The following OTOP3 variants were observed in gnomAD, a reference collection of about 807,000 sequenced individuals.
The protein encoded by OTOP3 is otopetrin 3, also known as proton channel OTOP3.
Under a neutral mutation model 50.8 loss-of-function variants are expected in OTOP3, and 41 were observed. The observed-to-expected ratio is 0.81, with a 90% CI of 0.63 to 1.05. OTOP3 has a LOEUF of 1.05. Among genes scored for constraint, OTOP3 ranks in the 50% least tolerant of loss-of-function variants. The probability of loss-of-function intolerance (pLI) is 0.00; values close to 1 mark genes in which losing one functional copy is unlikely to be tolerated. For missense variants in OTOP3, 788 were observed against 760.8 expected, an observed-to-expected ratio of 1.04 and a Z score of -0.42; for synonymous variants, 320 against 324.4, an observed-to-expected ratio of 0.99 and a Z score of 0.14.
chr17:74,947,417 A>G lies in OTOP3; in HGVS notation c.1508A>G (p.Asn503Ser), dbSNP rs2039240479. 1.2e-6 allele frequency: 2 copies of G among 1,612,242 alleles called. No individual in the cohort carries two copies. The highest frequency in any genetic ancestry group is 1.7e-6 in the Non-Finnish European group (2 of 1,179,518). The stretch of plus-strand genomic sequence containing the variant: ...TACATCCACTCCTACAGCCACCTCA[A>G]CTGGAAGCGGAGGGCACTCAAGGAG... ...LAYIHSYSHL[N>S]WKRRALKEIS... Residue 503 changes from asparagine to serine, a missense_variant, in exon 6 of 7, where the codon AAC (asparagine) becomes AGC (serine). Transcript: ENST00000328801.
Position 74,949,413 on chromosome 17 carries a change from C to A in OTOP3, c.1734C>A (p.Ala578=). ...GCCTGGTGGAGGTCTACCTGGGGGC[C>A]TGAGGCTGCCCACCCCCGGCAGAAC... ...VGGLVEVYLG[A] The change falls in exon 7 of 7, where the codon GCC becomes GCA. Residue 578 remains alanine, a synonymous_variant. Coordinates refer to ENST00000328801, the MANE Select transcript of OTOP3 (RefSeq NM_001272005.2). 6.2e-7 allele frequency: 1 copy of A among 1,611,840 alleles called. No homozygotes were observed. Among genetic ancestry groups the A allele is most frequent in the Non-Finnish European group, 8.5e-7 (1 of 1,179,336 alleles).
chr17:74,943,530 A>G (rs2039197210), intron 4 of OTOP3, 76 bp from the exon 5 acceptor site: 10 of 1,475,872 alleles, frequency 6.8e-6, no homozygotes, highest in Non-Finnish European at 9.5e-6. Context: ...GGTTGCCCCA[A>G]CAACAGTGGA....
At chr17:74,935,984 C>A (rs2039110895) in intron 1 of OTOP3, 44 bp downstream of exon 1, 1 of 1,537,188 alleles carries the variant, frequency 6.5e-7, no homozygotes, top group East Asian at 2.4e-5. Context: ...TTGCGCACCC[C>A]AGACACTGGC....
intron 1 of OTOP3, among the ~76,000 whole-genome samples, chr17:74,938,093 G>A (rs546758737): frequency 6.6e-6 from 1 of 152,290 alleles, no homozygotes; most frequent in African/African-American, 2.4e-5. Context: ...ACTTAGGCAA[G>A]GATGACAGAG....
intron 1 of OTOP3, 33 bp from the exon 2 acceptor site, chr17:74,941,360 G>T (rs138210982): frequency 1.4e-6 from 2 of 1,453,452 alleles, no homozygotes; most frequent in Non-Finnish European, 1.8e-6. Flanking sequence ...GGACAGCCTG[G>T]CAGTTAACCC....
At chr17:74,935,988 C>T in intron 1 of OTOP3, 48 bp downstream of exon 1, 2 of 1,536,916 alleles carry the variant, frequency 1.3e-6, no homozygotes, top group Non-Finnish European at 1.7e-6. Flanking sequence ...GCACCCCAGA[C>T]ACTGGCACAT....
intron 1 of OTOP3, among the ~76,000 whole-genome samples, chr17:74,940,457 A>G (rs2039161314): frequency 6.6e-6 from 1 of 152,190 alleles, no homozygotes; most frequent in Non-Finnish European, 1.5e-5. Flanking sequence ...CTAGACCAGC[A>G]GTCCCCAGTC....
In OTOP3 at chr17:74,946,753, T is replaced by C. The variant is rs775695863; in HGVS notation, c.844T>C (p.Tyr282His). Residue 282 changes from tyrosine to histidine, a missense_variant, in exon 6 of 7, where the codon TAC (tyrosine) becomes CAC (histidine). Tyr to His is a moderately conservative substitution (Grantham distance 83). Coordinates refer to ENST00000328801, the MANE Select transcript of OTOP3 (RefSeq NM_001272005.2). ...GATGCTCTACCCCTTCAGCACTGAG[T>C]ACTGCCTCATCTGCTGTGCTGTGCT... Reference protein sequence around the residue: ...FLMLYPFSTEYCLICCAVLFV... With the variant: ...FLMLYPFSTEHCLICCAVLFV... 3 of 1,613,214 alleles carry C rather than the reference T, an allele frequency of 1.9e-6. No homozygotes were observed. The South Asian group carries it at 3.3e-5, about 18-fold the overall frequency.
At chr17:74,949,187 A>G (rs951476754) in intron 6 of OTOP3, 59 bp from the exon 7 acceptor site, 1 of 1,577,244 alleles carries the variant, frequency 6.3e-7, no homozygotes, top group Non-Finnish European at 8.7e-7. Flanking sequence ...CCTCCCCTGA[A>G]CTGAGTGCCT....
chr17:74,947,424 G>T lies in OTOP3; in HGVS notation c.1515G>T (p.Lys505Asn), dbSNP rs1300059058. 1 of 1,612,082 alleles carries T rather than the reference G, an allele frequency of 6.2e-7. No individual in the cohort carries two copies. Among genetic ancestry groups the T allele is most frequent in the African/African-American group, 1.3e-5 (1 of 74,928 alleles). ...YIHSYSHLNWKRRALKEISLF... is the reference protein window; with the variant it reads ...YIHSYSHLNWNRRALKEISLF... ...ACTCCTACAGCCACCTCAACTGGAA[G>T]CGGAGGGCACTCAAGGAGATCTCAC... is the stretch of plus-strand genomic sequence containing the variant. The change falls in exon 6 of 7, where the codon AAG (lysine) becomes AAT (asparagine). Residue 505 changes from lysine to asparagine, a missense_variant. Transcript: ENST00000328801.
At position 74,943,765 on chromosome 17, in the gene OTOP3, C is replaced by T. The variant is rs751650175; in HGVS notation, c.751+41C>T. ...CAGGTCTTCCTTGCCCTGAAACACA[C>T]ACACACACACACACACACACACACA... On this transcript the variant is annotated intron_variant, in intron 5 of 6. Coordinates refer to ENST00000328801, the MANE Select transcript of OTOP3 (RefSeq NM_001272005.2). 6.8e-6 allele frequency: 7 copies of T among 1,029,056 alleles called. No homozygotes were observed. The East Asian group carries it at 1.7e-4, about 25-fold the overall frequency. 63.7% of individuals were successfully genotyped at this position (1,029,056 alleles called of 1,614,324 possible). A position where few individuals can be genotyped will look rare whatever the true frequency, so the allele number is the denominator to read the frequency against.
chr17:74,943,509 T>G, intron 4 of OTOP3, 97 bp from the exon 5 acceptor site: 3 of 1,369,348 alleles, frequency 2.2e-6, no homozygotes, highest in Non-Finnish European at 3.1e-6. Flanking sequence ...AGTGAGTGGT[T>G]GGGAGTGAGT....
intron 1 of OTOP3, among the ~76,000 whole-genome samples, chr17:74,937,087 C>T (rs2039125983): frequency 6.6e-6 from 1 of 151,712 alleles, no homozygotes; most frequent in South Asian, 2.1e-4. Flanking sequence ...ATCAGCCTCC[C>T]GAGTAGCTGG....
At position 74,949,698 on chromosome 17, in the gene OTOP3, C is replaced by T; in HGVS notation, c.*282C>T. 2 of 405,534 alleles carry T rather than the reference C, an allele frequency of 4.9e-6. No homozygotes were observed. Among genetic ancestry groups the T allele is most frequent in the Non-Finnish European group, 8.8e-6 (2 of 226,700 alleles). The allele number at this position is 405,534 out of a possible 1,614,324, so 25.1% of individuals were successfully genotyped here. A position where few individuals can be genotyped will look rare whatever the true frequency, so the allele number is the denominator to read the frequency against. ...CAAGCCAAGGGTGCACCCCAGGAGG[C>T]TGGCAGGGGCCCCCTCACGGCTACT... On this transcript the variant is annotated 3_prime_UTR_variant, in exon 7 of 7. Transcript: ENST00000328801.
chr17:74,940,183 T>G (rs1397515507), intron 1 of OTOP3, among the ~76,000 whole-genome samples: 1 of 150,048 alleles, frequency 6.7e-6, no homozygotes, highest in Non-Finnish European at 1.5e-5. Context: ...TTTTTTTTTT[T>G]TTTTGAAGAG....
At chr17:74,946,448 A>T (rs933490749) in intron 5 of OTOP3, among the ~76,000 whole-genome samples, 1 of 152,244 alleles carries the variant, frequency 6.6e-6, no homozygotes, top group African/African-American at 2.4e-5. Flanking sequence ...TAAGTTTGGC[A>T]TCTGAAGTCT....
At position 74,943,645 on chromosome 17, in the gene OTOP3, G is replaced by A. The variant is rs1316347001; in HGVS notation, c.672G>A (p.Leu224=). Reference sequence around the variant, plus strand: ...TGACCCTGGCCACAAACCTGCTGCTGTGGGTTCTGGCCGTTACCAATGACT... The same window carrying A: ...TGACCCTGGCCACAAACCTGCTGCTATGGGTTCTGGCCGTTACCAATGACT... ...LMLTLATNLL[L]WVLAVTNDSM... Residue 224 remains leucine (L), a synonymous_variant, in exon 5 of 7, where the codon CTG becomes CTA. Coordinates refer to ENST00000328801, the MANE Select transcript of OTOP3 (RefSeq NM_001272005.2). The A allele has an allele frequency of 1.2e-6, 2 of 1,613,688 alleles. No individual in the cohort carries two copies. The highest frequency in any genetic ancestry group is 1.1e-5 in the South Asian group (1 of 91,068).
At chr17:74,938,031 G>C (rs375598842) in intron 1 of OTOP3, among the ~76,000 whole-genome samples, 1 of 152,178 alleles carries the variant, frequency 6.6e-6, no homozygotes. Context: ...GGTTGGTGTG[G>C]GAGGCAGGTG....
chr17:74,947,319 G>T lies in OTOP3; in HGVS notation c.1410G>T (p.Lys470Asn), dbSNP rs1309693990. The T allele has an allele frequency of 6.2e-7, 1 of 1,613,214 alleles. No individual in the cohort carries two copies. Among genetic ancestry groups the T allele is most frequent in the Non-Finnish European group, 8.5e-7 (1 of 1,179,900 alleles). Reference protein sequence around the residue: ...WETVPEGLAGKQEAEPPRRGS... With the variant: ...WETVPEGLAGNQEAEPPRRGS... ...CAGTTCCCGAGGGCCTGGCAGGAAA[G>T]CAGGAGGCTGAGCCTCCCCGCAGAG... Residue 470 changes from lysine (K) to asparagine (N), a missense_variant, in exon 6 of 7, where the codon AAG (lysine) becomes AAT (asparagine). By Grantham distance (94) the Lys-to-Asn change is moderately conservative. Transcript: ENST00000328801.
Sources: allele counts gnomAD v4.1 joint callset (sites outside exome capture counted in the v4.1 genomes callset), GRCh38; gene constraint gnomAD v4.1.1; transcripts MANE v1.5; gene names NCBI Gene and HGNC (gene_info 2026-07-23, HGNC 2026-07-21).